CXCL13: variants seen among roughly 807,000 people sequenced by gnomAD.
CXCL13 encodes C-X-C motif chemokine ligand 13.
A neutral mutation model predicts 12.2 loss-of-function variants in CXCL13; 7 were observed. The ratio of observed to expected loss-of-function variants is 0.57; its 90% CI spans 0.33 to 1.07. The LOEUF (loss-of-function observed/expected upper bound fraction) is 1.07. CXCL13 is among the 50% of genes least tolerant of loss of function. The pLI, the probability that CXCL13 is intolerant of heterozygous loss-of-function variation, is 0.04. For synonymous variants in CXCL13, 47 were observed against 42.4 expected, an observed-to-expected ratio of 1.11 and a Z score of -0.42; for missense variants, 113 against 127.4, an observed-to-expected ratio of 0.89 and a Z score of 0.55.
chr4:77,586,025 A>G (rs182243681), intron 1 of CXCL13, among the ~76,000 whole-genome samples: 64 of 152,316 alleles, frequency 4.2e-4, no homozygotes, highest in Admixed American at 1.0e-3. Flanking sequence ...TAATAAATTA[A>G]CACTTGTGAA....
At chr4:77,540,387 G>C (rs1725170358) in intron 1 of CXCL13, among the ~76,000 whole-genome samples, 1 of 152,036 alleles carries the variant, frequency 6.6e-6, no homozygotes. Context: ...GTACCCAATA[G>C]TTAATTTTTC....
chr4:77,533,906 G>T (rs1412964770), intron 1 of CXCL13, among the ~76,000 whole-genome samples: 1 of 152,190 alleles, frequency 6.6e-6, no homozygotes, highest in Non-Finnish European at 1.5e-5. Context: ...GGGTGAGAGT[G>T]ACCCAATTTT....
chr4:77,541,148 A>T (rs1725198429), intron 1 of CXCL13, among the ~76,000 whole-genome samples: 1 of 152,026 alleles, frequency 6.6e-6, no homozygotes, highest in Non-Finnish European at 1.5e-5. Flanking sequence ...TAGATTCTGT[A>T]TATTAGACCT....
chr4:77,514,584 T>C (rs1214541410), intron 1 of CXCL13, among the ~76,000 whole-genome samples: 1 of 147,592 alleles, frequency 6.8e-6, no homozygotes, highest in African/African-American at 2.5e-5. Flanking sequence ...TCATGTGTTT[T>C]TTGGCTGCAT....
chr4:77,543,301 CA>C (rs1004734233), intron 1 of CXCL13, among the ~76,000 whole-genome samples: 3 of 151,734 alleles, frequency 2.0e-5, no homozygotes, highest in East Asian at 1.9e-4. Context: ...TTGATCCTTT[CA>C]AAAAAACTGC....
intron 1 of CXCL13, among the ~76,000 whole-genome samples, chr4:77,533,382 C>T (rs954721828): frequency 9.9e-5 from 15 of 152,204 alleles, no homozygotes; most frequent in Non-Finnish European, 1.8e-4. Flanking sequence ...GCTGCCTGAT[C>T]GTTCCTCTGG....
chr4:77,558,044 T>C (rs1725706266), intron 1 of CXCL13, among the ~76,000 whole-genome samples: 1 of 152,204 alleles, frequency 6.6e-6, no homozygotes, highest in Admixed American at 6.5e-5. Context: ...TAGAAGAGTC[T>C]CCCAAACTGC....
rs942770579 is a variant in CXCL13 at position 77,519,622 on chromosome 4, T to A, written c.-43+7834T>A. On this transcript the variant is annotated intron_variant, in intron 1 of 4. Transcript: ENST00000286758. ...GTAGATTCTGGATATTAGCCCTTTG[T>A]CAGATGGGTCAATTGCAAAAGTTTT... 3.0e-4 allele frequency among the ~76,000 whole-genome samples: 45 copies of A among 152,232 alleles called. 1 individual carries two copies. Among genetic ancestry groups the A allele is most frequent in the Admixed American group, 2.9e-3 (45 of 15,282 alleles).
At chr4:77,534,248 G>A (rs956576876) in intron 1 of CXCL13, among the ~76,000 whole-genome samples, 1 of 151,970 alleles carries the variant, frequency 6.6e-6, no homozygotes, top group Admixed American at 6.5e-5. Context: ...GCACTCCTGG[G>A]CATTCATCCC....
At chr4:77,516,774 A>G (rs866634218) in intron 1 of CXCL13, among the ~76,000 whole-genome samples, 31 of 151,978 alleles carry the variant, frequency 2.0e-4, no homozygotes, top group Middle Eastern at 3.4e-3. Flanking sequence ...TGGATTCATT[A>G]ATTTTTTGAA....
At chr4:77,606,014 G>A in intron 1 of CXCL13, 85 bp downstream of exon 1, 1 of 924,810 alleles carries the variant, frequency 1.1e-6, no homozygotes, top group Non-Finnish European at 1.6e-6. Flanking sequence ...AAAAACCGCA[G>A]GGAAGTCTGA....
intron 1 of CXCL13, among the ~76,000 whole-genome samples, chr4:77,587,794 G>A (rs1054784770): frequency 2.0e-5 from 3 of 152,236 alleles, no homozygotes; most frequent in Admixed American, 2.0e-4. Context: ...CGAGTAATCC[G>A]TTGCAAGGAT....
At chr4:77,608,365 G>C (rs1727055519) in intron 2 of CXCL13, among the ~76,000 whole-genome samples, 1 of 151,926 alleles carries the variant, frequency 6.6e-6, no homozygotes, top group African/African-American at 2.4e-5. Context: ...GCTTGAACCT[G>C]GGAGGCGGAG....
intron 1 of CXCL13, among the ~76,000 whole-genome samples, chr4:77,523,140 C>T (rs1724658838): frequency 6.6e-6 from 1 of 152,142 alleles, no homozygotes; most frequent in Admixed American, 6.6e-5. Flanking sequence ...CTGCCCTTAA[C>T]ATTTTTTCCA....
chr4:77,546,899 A>C (rs1725381876), intron 1 of CXCL13, among the ~76,000 whole-genome samples: 1 of 152,212 alleles, frequency 6.6e-6, no homozygotes. Context: ...TTCCCTCTAC[A>C]TACTGCTTTA....
intron 1 of CXCL13, among the ~76,000 whole-genome samples, chr4:77,519,067 T>C (rs1476510269): frequency 1.3e-5 from 2 of 152,208 alleles, no homozygotes; most frequent in Non-Finnish European, 2.9e-5. Flanking sequence ...CTCCAGATCC[T>C]GTTTGCCTGG....
chr4:77,535,133 A>G (rs1329104985), intron 1 of CXCL13, among the ~76,000 whole-genome samples: 1 of 152,170 alleles, frequency 6.6e-6, no homozygotes, highest in Non-Finnish European at 1.5e-5. Context: ...AGACACACAC[A>G]ATTTGATCAA....
At position 77,610,599 on chromosome 4, in the gene CXCL13, T is replaced by C. The variant is rs755350401; in HGVS notation, c.198-15T>C. 2 of 1,591,174 alleles carry C rather than the reference T, an allele frequency of 1.3e-6. No homozygotes were observed. The highest frequency in any genetic ancestry group is 1.7e-5 in the Admixed American group (1 of 59,976). On this transcript the variant is annotated splice_polypyrimidine_tract_variant and intron_variant, in intron 2 of 3. Coordinates refer to ENST00000682537, the MANE Select transcript of CXCL13 (RefSeq NM_001371558.1). ...AAATGTAAGACTGAATTATTTAATTTTTATTTTCCCCCAGAGTCTGGAAGA... is the reference window on the plus strand; with the variant it reads ...AAATGTAAGACTGAATTATTTAATTCTTATTTTCCCCCAGAGTCTGGAAGA...
intron 1 of CXCL13, among the ~76,000 whole-genome samples, chr4:77,568,496 T>C (rs1725988493): frequency 6.6e-6 from 1 of 152,196 alleles, no homozygotes. Flanking sequence ...ATTGTGGCAT[T>C]TATTGTCTTC....
Sources: gnomAD v4.1 joint callset for allele counts (sites outside exome capture counted in the v4.1 genomes callset) on GRCh38, gnomAD v4.1.1 for gene constraint, MANE v1.5 for transcripts, NCBI Gene and HGNC (gene_info 2026-07-23, HGNC 2026-07-21) for gene names.